CASQ1: variants seen among roughly 807,000 people sequenced by gnomAD.
The protein encoded by CASQ1 is calsequestrin-1.
CASQ1 carries 40 observed loss-of-function variants against 49.5 expected under a neutral mutation model. That is an observed-to-expected ratio of 0.81 (90% CI 0.63 to 1.05). The LOEUF is 1.05. CASQ1 is among the 50% of genes least tolerant of loss of function. The pLI is 0.00. For synonymous variants in CASQ1, 174 were observed against 187.2 expected (o/e 0.93, Z 0.58); for missense variants, 469 against 486.9 (o/e 0.96, Z 0.35).
chr1:160,197,285 GTGAA>G (rs1483097151), intron 6 of CASQ1, among the ~76,000 whole-genome samples: 1 of 152,238 alleles, frequency 6.6e-6, no homozygotes, highest in East Asian at 1.9e-4. Flanking sequence ...TAGTGAGTGA[GTGAA>G]TGAATGAATA....
Position 160,190,892 on chromosome 1 carries a change from C to T in CASQ1, c.141C>T (p.Asp47=). 1 of 1,614,162 alleles carries T rather than the reference C, an allele frequency of 6.2e-7. No homozygotes were observed. Among genetic ancestry groups the T allele is most frequent in the East Asian group, 2.2e-5 (1 of 44,884 alleles). The change falls in exon 1 of 11, where the codon GAC becomes GAT. Residue 47 remains aspartate (D), a synonymous_variant. Coordinates refer to ENST00000368078, the MANE Select transcript of CASQ1 (RefSeq NM_001231.5). ...GLDFPEYDGV[D]RVINVNAKNY... The stretch of plus-strand genomic sequence containing the variant: ...ACTTCCCTGAGTACGATGGTGTGGA[C>T]CGTGTGATCAATGTCAATGCAAAGA...
At chr1:160,192,972 G>C (rs1230321887) in intron 2 of CASQ1, 86 bp downstream of exon 2, 1 of 1,002,056 alleles carries the variant, frequency 1.0e-6, no homozygotes, top group African/African-American at 1.6e-5. Flanking sequence ...CAGTCCTTGG[G>C]ATCCGAGGGG....
At chr1:160,199,980 C>G (rs1654331528) in intron 10 of CASQ1, 55 bp downstream of exon 10, 1 of 1,167,164 alleles carries the variant, frequency 8.6e-7, no homozygotes, top group Non-Finnish European at 1.3e-6. Context: ...CCTAGCATAG[C>G]TAGCTCTCCT....
chr1:160,195,933 G>T lies in CASQ1; in HGVS notation c.688G>T (p.Asp230Tyr). 6.2e-7 allele frequency: 1 copy of T among 1,614,068 alleles called. No individual in the cohort carries two copies. The highest frequency in any genetic ancestry group is 1.1e-5 in the South Asian group (1 of 91,026). Residue 230 changes from aspartate to tyrosine, a missense_variant, in exon 6 of 11, where the codon GAT becomes TAT. Transcript: ENST00000368078. Reference protein sequence around the residue: ...KKLTLKLNEIDFYEAFMEEPV... With the variant: ...KKLTLKLNEIYFYEAFMEEPV... ...GCTGACCCTGAAGCTGAATGAGATTGATTTCTACGAGGCCTTCATGGAAGA... is the reference window on the plus strand; with the variant it reads ...GCTGACCCTGAAGCTGAATGAGATTTATTTCTACGAGGCCTTCATGGAAGA...
In CASQ1 at chr1:160,197,873, GC is replaced by G. The variant is rs1032346745; in HGVS notation, c.828+260del. The stretch of plus-strand genomic sequence containing the variant: ...CTCTACTGAAAATACAAAAAAAATA[GC>G]AGGGTGTGGTGGCGGGCGCCTGTAG... On this transcript the variant is annotated intron_variant, in intron 7 of 10. Coordinates refer to ENST00000368078, the MANE Select transcript of CASQ1 (RefSeq NM_001231.5). Among the ~76,000 whole-genome samples the G allele has an allele frequency of 4.2e-3, 645 of 152,242 alleles. 3 individuals are homozygous for G. Among genetic ancestry groups the G allele is most frequent in the African/African-American group, 0.015 (608 of 41,526 alleles).
chr1:160,198,620 C>A, intron 7 of CASQ1, 57 bp from the exon 8 acceptor site: 1 of 1,330,966 alleles, frequency 7.5e-7, no homozygotes, highest in South Asian at 1.2e-5. Context: ...TCCTCAACTT[C>A]AGGGAGTATA....
At chr1:160,200,186 T>G (rs1342996628) in intron 10 of CASQ1, among the ~76,000 whole-genome samples, 1 of 152,142 alleles carries the variant, frequency 6.6e-6, no homozygotes, top group African/African-American at 2.4e-5. Context: ...TTAAAATCAT[T>G]CCCTCCCTGG....
rs1039248670 is a variant in CASQ1, at chr1:160,190,761, A to G, written c.10A>G (p.Thr4Ala). Residue 4 changes from threonine to alanine, a missense_variant, in exon 1 of 11, where the codon ACA becomes GCA. Transcript: ENST00000368078. Reference protein sequence around the residue: MSATDRMGPRAVPG... With the variant: MSAADRMGPRAVPG... The stretch of plus-strand genomic sequence containing the variant: ...AGATCCCACTACCTCCATGAGTGCT[A>G]CAGACAGGATGGGGCCCAGAGCTGT... 3.1e-6 allele frequency: 5 copies of G among 1,613,816 alleles called. No individual in the cohort carries two copies. In the African/African-American group the frequency reaches 6.7e-5, roughly 22 times the overall value.
At chr1:160,200,263 C>T (rs1002895962) in intron 10 of CASQ1, among the ~76,000 whole-genome samples, 1 of 152,192 alleles carries the variant, frequency 6.6e-6, no homozygotes, top group Non-Finnish European at 1.5e-5. Context: ...TTATGTGTGT[C>T]TCTTCCAGTA....
In CASQ1 at chr1:160,195,118, CAG is replaced by C; in HGVS notation, c.575_576del (p.Glu192AlafsTer10). On this transcript the variant is annotated frameshift_variant, in exon 4 of 11. Transcript: ENST00000368078. LOFTEE classifies it high-confidence loss of function. Reference sequence around the variant, plus strand: ...ATTGGCTACTTCAAGAGCAAAGACTCAGAGCGTGGGTAACCCTCAGACTCCAC... The same window carrying C: ...ATTGGCTACTTCAAGAGCAAAGACTCAGCGTGGGTAACCCTCAGACTCCAC... The C allele has an allele frequency of 6.2e-7, 1 of 1,600,268 alleles. No individual in the cohort carries two copies. The highest frequency in any genetic ancestry group is 1.3e-5 in the African/African-American group (1 of 74,776).
rs1370268511 is a variant in CASQ1, at chr1:160,193,731, C to T, written c.365-16C>T. On this transcript the variant is annotated splice_polypyrimidine_tract_variant and intron_variant, in intron 2 of 10. Coordinates refer to ENST00000368078, the MANE Select transcript of CASQ1 (RefSeq NM_001231.5). ...ATGGCTCACTACCCCACCCCTGCGC[C>T]CGGCTCACTCCCTAGGCCTAACTGA... 1 of 1,479,034 alleles carries T rather than the reference C, an allele frequency of 6.8e-7. No individual in the cohort carries two copies. Among genetic ancestry groups the T allele is most frequent in the Admixed American group, 1.8e-5 (1 of 56,390 alleles). The allele number at this position is 1,479,034 out of a possible 1,614,324, so 91.6% of individuals were successfully genotyped here. A position where few individuals can be genotyped will look rare whatever the true frequency, so the allele number is the denominator to read the frequency against.
At chr1:160,198,862 G>T in intron 8 of CASQ1, 91 bp from the exon 9 acceptor site, 1 of 1,167,406 alleles carries the variant, frequency 8.6e-7, no homozygotes, top group South Asian at 1.2e-5. Context: ...TGTGAAGCTT[G>T]GGGAGCAGGG....
intron 3 of CASQ1, among the ~76,000 whole-genome samples, chr1:160,194,294 A>G (rs918570304): frequency 2.0e-5 from 3 of 147,912 alleles, no homozygotes; most frequent in African/African-American, 7.5e-5. Flanking sequence ...CATGCCACGC[A>G]AATGCACACA....
chr1:160,200,480 T>A (rs1280166505), intron 10 of CASQ1, among the ~76,000 whole-genome samples: 3 of 152,240 alleles, frequency 2.0e-5, no homozygotes, highest in Admixed American at 2.0e-4. Flanking sequence ...CACATTGATT[T>A]CTGCTTGACA....
In CASQ1 at chr1:160,195,957, G is replaced by A. The variant is rs1156653269; in HGVS notation, c.712G>A (p.Glu238Lys). The A allele has an allele frequency of 6.2e-7, 1 of 1,614,002 alleles. No homozygotes were observed. The highest frequency in any genetic ancestry group is 1.7e-5 in the Admixed American group (1 of 60,016). Residue 238 changes from glutamate (E) to lysine (K), a missense_variant, in exon 6 of 11, where the codon GAG becomes AAG. Physicochemically the swap from Glu to Lys is moderately conservative, Grantham distance 56 (BLOSUM62 1). Coordinates refer to ENST00000368078, the MANE Select transcript of CASQ1 (RefSeq NM_001231.5). The stretch of plus-strand genomic sequence containing the variant: ...TGATTTCTACGAGGCCTTCATGGAA[G>A]AGCCTGTGACCATCCCAGACAAGCC... The part of the protein sequence containing the change: ...EIDFYEAFME[E>K]PVTIPDKPNS...
At chr1:160,191,737 A>G (rs775105240) in intron 1 of CASQ1, among the ~76,000 whole-genome samples, 1 of 152,236 alleles carries the variant, frequency 6.6e-6, no homozygotes, top group Non-Finnish European at 1.5e-5. Context: ...AGTTATCATA[A>G]GAAAAGAAAA....
intron 6 of CASQ1, among the ~76,000 whole-genome samples, chr1:160,196,438 C>A (rs886710035): frequency 6.6e-6 from 1 of 151,954 alleles, no homozygotes; most frequent in African/African-American, 2.4e-5. Flanking sequence ...TGATTTTAAC[C>A]CTGATGTGTC....
chr1:160,195,062 G>T lies in CASQ1; in HGVS notation c.516G>T (p.Ala172=), dbSNP rs55804336. 1.2e-6 allele frequency: 2 copies of T among 1,613,376 alleles called. No individual in the cohort carries two copies. The highest frequency in any genetic ancestry group is 2.2e-5 in the East Asian group (1 of 44,862). ...ELIEGERELQ[A]FENIEDEIKL... ...TTGAAGGTGAACGAGAGCTGCAGGCGTTTGAGAATATTGAGGATGAGATCA... is the reference window on the plus strand; with the variant it reads ...TTGAAGGTGAACGAGAGCTGCAGGCTTTTGAGAATATTGAGGATGAGATCA... The change falls in exon 4 of 11, where the codon GCG becomes GCT. Residue 172 remains alanine (A), a synonymous_variant. Coordinates refer to ENST00000368078, the MANE Select transcript of CASQ1 (RefSeq NM_001231.5).
At position 160,196,144 on chromosome 1, in the gene CASQ1, G is replaced by A. The variant is rs900717787; in HGVS notation, c.782+117G>A. 7.2e-6 allele frequency: 7 copies of A among 973,586 alleles called. No homozygotes were observed. The African/African-American group carries it at 1.1e-4, about 16-fold the overall frequency. The allele number at this position is 973,586 out of a possible 1,614,324, so 60.3% of individuals were successfully genotyped here. On this transcript the variant is annotated intron_variant, in intron 6 of 10. Transcript: ENST00000368078. ...CGGGAAGCCAATCTTGCCTGGAGATGAATACACTTTGGGCACCAGTGCTCT... is the reference window on the plus strand; with the variant it reads ...CGGGAAGCCAATCTTGCCTGGAGATAAATACACTTTGGGCACCAGTGCTCT...
Sources: allele counts gnomAD v4.1 joint callset (sites outside exome capture counted in the v4.1 genomes callset), GRCh38; gene constraint gnomAD v4.1.1; transcripts MANE v1.5; gene names NCBI Gene and HGNC (gene_info 2026-07-23, HGNC 2026-07-21).